Variants in ANLN observed in about 807,000 individuals in gnomAD.
ANLN encodes anillin, actin binding protein.
In ANLN, 59 loss-of-function variants were observed where a neutral mutation model predicts 135.1. The ratio of observed to expected loss-of-function variants is 0.44; its 90% CI spans 0.35 to 0.54. The LOEUF (loss-of-function observed/expected upper bound fraction) is 0.54. Ranked by LOEUF, ANLN falls within the 20% of genes least tolerant of loss-of-function variation. The pLI is 0.00. For synonymous variants in ANLN, 406 were observed against 456.4 expected (o/e 0.89, Z 1.41); for missense variants, 1,182 against 1,340.0 (o/e 0.88, Z 1.84).
At position 36,423,887 on chromosome 7, in the gene ANLN, A is replaced by C; in HGVS notation, c.2547A>C (p.Ala849=). 6.2e-7 allele frequency: 1 copy of C among 1,612,836 alleles called. No homozygotes were observed. Among genetic ancestry groups the C allele is most frequent in the East Asian group, 2.2e-5 (1 of 44,730 alleles). The change falls in exon 15 of 24, where the codon GCA becomes GCC. Residue 849 remains alanine (A), a synonymous_variant. Coordinates refer to ENST00000265748, the MANE Select transcript of ANLN (RefSeq NM_018685.5). ...AAAATATGGTAGCCACACCATTAGC[A>C]AGTACTTCAAACTCTCTTAACGGTG... ...GAENMVATPL[A]STSNSLNGDA... is the part of the protein sequence containing the mutation.
intron 7 of ANLN, among the ~76,000 whole-genome samples, chr7:36,411,414 C>A (rs1358669946): frequency 6.6e-6 from 1 of 152,192 alleles, no homozygotes; most frequent in Non-Finnish European, 1.5e-5. Flanking sequence ...AAATTATTTT[C>A]ATCATTCATT....
At chr7:36,450,848 A>G (rs1789214150) in intron 23 of ANLN, among the ~76,000 whole-genome samples, 2 of 152,170 alleles carry the variant, frequency 1.3e-5, no homozygotes, top group South Asian at 4.1e-4. Flanking sequence ...GGCCCACTTC[A>G]GCCATTTTGA....
intron 7 of ANLN, among the ~76,000 whole-genome samples, chr7:36,412,327 A>ATTTTTT (rs1554343030): frequency 1.1e-5 from 1 of 94,820 alleles, no homozygotes; most frequent in African/African-American, 3.8e-5. Flanking sequence ...ATATATATAT[A>ATTTTTT]TTTTTTTTTT....
intron 20 of ANLN, among the ~76,000 whole-genome samples, chr7:36,435,513 T>C (rs1788495858): frequency 6.6e-6 from 1 of 152,018 alleles, no homozygotes; most frequent in African/African-American, 2.4e-5. Flanking sequence ...TTGAACTTCA[T>C]TTAAGTGGAA....
At chr7:36,406,114 TC>T in intron 3 of ANLN, 66 bp from the exon 4 acceptor site, 3 of 1,462,814 alleles carry the variant, frequency 2.1e-6, no homozygotes, top group Non-Finnish European at 2.8e-6. Flanking sequence ...CATAGAGTGA[TC>T]CTGGTATTAT....
In ANLN at chr7:36,443,180, G is replaced by C. The variant is rs1583657516; in HGVS notation, c.2971-575G>C. Among the ~76,000 whole-genome samples, 3 of 152,312 alleles carry C rather than the reference G, an allele frequency of 2.0e-5. No individual in the cohort carries two copies. The East Asian group carries it at 5.8e-4, about 29-fold the overall frequency. ...CTAGCATCCCTAAGGACAAACGCCT[G>C]ATGGCAGGGAGGCACCACTTCAAGC... On this transcript the variant is annotated intron_variant, in intron 21 of 23. Transcript: ENST00000265748.
intron 3 of ANLN, among the ~76,000 whole-genome samples, chr7:36,402,410 G>A (rs2116546620): frequency 6.6e-6 from 1 of 152,208 alleles, no homozygotes. Flanking sequence ...ACCGTGTCCT[G>A]CCTGCACCTA....
chr7:36,440,458 G>T (rs1346099498), intron 21 of ANLN, among the ~76,000 whole-genome samples: 3 of 152,190 alleles, frequency 2.0e-5, no homozygotes, highest in African/African-American at 7.2e-5. Context: ...TGGGAGATGA[G>T]GAATGAGCAC....
chr7:36,399,184 C>T lies in ANLN; in HGVS notation c.278C>T (p.Ala93Val). 1.2e-6 allele frequency: 2 copies of T among 1,614,144 alleles called. No individual in the cohort carries two copies. The highest frequency in any genetic ancestry group is 8.5e-7 in the Non-Finnish European group (1 of 1,180,028). The change falls in exon 3 of 24, where the codon GCA (alanine) becomes GTA (valine). Residue 93 changes from alanine (A) to valine (V), a missense_variant. Ala to Val is a moderately conservative substitution (Grantham distance 64, BLOSUM62 0). Coordinates refer to ENST00000265748, the MANE Select transcript of ANLN (RefSeq NM_018685.5). ...ENKQPVESTS[A>V]KSCSPSPVSP... ...AAACAACCAGTTGAGTCGACATCTG[C>T]AAAATCTTGTTCTCCAAGTCCTGTG...
chr7:36,399,137 A>G lies in ANLN; in HGVS notation c.231A>G (p.Val77=). The G allele has an allele frequency of 6.2e-7, 1 of 1,614,206 alleles. No homozygotes were observed. The highest frequency in any genetic ancestry group is 8.5e-7 in the Non-Finnish European group (1 of 1,180,040). The change falls in exon 3 of 24, where the codon GTA becomes GTG. Residue 77 remains valine (V), a synonymous_variant. Transcript: ENST00000265748. ...SKKRCSDNTE[V]EVSNLENKQP... ...AACGCTGTTCTGACAACACTGAAGT[A>G]GAAGTTTCTAACTTGGAAAATAAAC...
In ANLN at chr7:36,424,705, C is replaced by A. The variant is rs776330843; in HGVS notation, c.2672C>A (p.Ser891Ter). The A allele has an allele frequency of 1.2e-6, 2 of 1,612,270 alleles. No individual in the cohort carries two copies. Among genetic ancestry groups the A allele is most frequent in the Non-Finnish European group, 1.7e-6 (2 of 1,179,322 alleles). ...VYSLVQKKDP[S>*]GLDKKKKTSK... ...GCGTAGGTGCAAAAGAAAGATCCCT[C>A]AGGCCTTGATAAGAAGAAAAAAACA... Residue 891 changes from serine to a stop codon, truncating the protein, a stop_gained, in exon 17 of 24, where the codon TCA (serine) becomes TAA (stop). Coordinates refer to ENST00000265748, the MANE Select transcript of ANLN (RefSeq NM_018685.5). LOFTEE classifies it high-confidence loss of function.
chr7:36,408,428 T>G (rs1186522735), intron 5 of ANLN, among the ~76,000 whole-genome samples: 1 of 152,168 alleles, frequency 6.6e-6, no homozygotes, highest in Non-Finnish European at 1.5e-5. Context: ...ATGATAGAAA[T>G]TTTTGAAAAA....
Position 36,415,813 on chromosome 7 carries a change from A to T in ANLN, c.1451A>T (p.Gln484Leu). Residue 484 changes from glutamine (Q) to leucine (L), a missense_variant, in exon 8 of 24, where the codon CAG (glutamine) becomes CTG (leucine). This residue lies in a region of ANLN where 1,022 missense variants were observed against 1,134.0 expected (regional missense o/e 0.90). Transcript: ENST00000265748. ...AAACACCAAGGTGTTTCAAAAACTCAGTCACTTCCAGTAACAGAAAAGGTG... is the reference window on the plus strand; with the variant it reads ...AAACACCAAGGTGTTTCAAAAACTCTGTCACTTCCAGTAACAGAAAAGGTG... ...LKKHQGVSKT[Q>L]SLPVTEKVTE... 6.2e-7 allele frequency: 1 copy of T among 1,610,458 alleles called. No individual in the cohort carries two copies. Among genetic ancestry groups the T allele is most frequent in the Non-Finnish European group, 8.5e-7 (1 of 1,178,752 alleles).
At chr7:36,397,187 G>A (rs79082503) in intron 2 of ANLN, among the ~76,000 whole-genome samples, 5,130 of 152,236 alleles carry the variant, frequency 0.034, 124 homozygotes, top group South Asian at 0.048. Flanking sequence ...TGTACATGGG[G>A]CTAGCTCAGT....
rs1199961231 is a variant in ANLN, at chr7:36,411,167, G to A, written c.1395+1G>A. 2 of 1,600,812 alleles carry A rather than the reference G, an allele frequency of 1.2e-6. No homozygotes were observed. The highest frequency in any genetic ancestry group is 2.3e-5 in the South Asian group (2 of 88,262). On this transcript the variant is annotated splice_donor_variant, in intron 7 of 23. Coordinates refer to ENST00000265748, the MANE Select transcript of ANLN (RefSeq NM_018685.5). LOFTEE classifies it high-confidence loss of function. ...AAGCAAACAACTAGAAACCAAACAG[G>A]TAATGTAAACAAGAAATATAAAAAC...
chr7:36,434,307 C>G (rs1389641861), intron 20 of ANLN, among the ~76,000 whole-genome samples: 1 of 152,200 alleles, frequency 6.6e-6, no homozygotes, highest in African/African-American at 2.4e-5. Flanking sequence ...TACTGCACGT[C>G]TACAAGATTT....
At chr7:36,432,708 C>T (rs557874303) in intron 20 of ANLN, among the ~76,000 whole-genome samples, 1 of 152,234 alleles carries the variant, frequency 6.6e-6, no homozygotes, top group East Asian at 1.9e-4. Flanking sequence ...CTGCCTTCTT[C>T]TGGATTAATT....
intron 1 of ANLN, 72 bp downstream of exon 1, chr7:36,390,116 C>T (rs1363872733): frequency 3.1e-6 from 5 of 1,606,712 alleles, no homozygotes; most frequent in Admixed American, 1.7e-5. Context: ...CTCTGTCAAC[C>T]TCTGGGCGAA....
At position 36,433,233 on chromosome 7, in the gene ANLN, CAAG is replaced by C. The variant is rs977416229; in HGVS notation, c.2884-5965_2884-5963del. 2.0e-5 allele frequency among the ~76,000 whole-genome samples: 3 copies of C among 152,290 alleles called. No individual in the cohort carries two copies. In the South Asian group the frequency reaches 6.2e-4, roughly 32 times the overall value. ...ATTCCATCTGAAGTCATTGTCCTGTCAAGAAGAACTGTCTTTATTATTTCTTGT... is the reference window on the plus strand; with the variant it reads ...ATTCCATCTGAAGTCATTGTCCTGTCAAGAACTGTCTTTATTATTTCTTGT... On this transcript the variant is annotated intron_variant, in intron 20 of 23. Transcript: ENST00000265748.
Sources: allele counts gnomAD v4.1 joint callset (sites outside exome capture counted in the v4.1 genomes callset), GRCh38; gene constraint gnomAD v4.1.1; regional missense constraint gnomAD v4.1.1; transcripts MANE v1.5; gene names NCBI Gene and HGNC (gene_info 2026-07-23, HGNC 2026-07-21).